The following IRAK2 variants were observed in gnomAD, a reference collection of about 807,000 sequenced individuals.
The protein encoded by IRAK2 is interleukin-1 receptor-associated kinase-like 2.
Under a neutral mutation model 72.0 loss-of-function variants are expected in IRAK2, and 57 were observed. That is an observed-to-expected ratio of 0.79 (90% CI 0.64 to 0.99). The LOEUF is 0.99. IRAK2 is among the 50% of genes least tolerant of loss of function. IRAK2 has a pLI of 0.00. For missense variants in IRAK2, 790 were observed against 794.4 expected, an observed-to-expected ratio of 0.99 and a Z score of 0.07; for synonymous variants, 293 against 312.7, an observed-to-expected ratio of 0.94 and a Z score of 0.67.
At chr3:10,221,209 G>C (rs184086684) in intron 8 of IRAK2, among the ~76,000 whole-genome samples, 1 of 148,870 alleles carries the variant, frequency 6.7e-6, no homozygotes, top group Admixed American at 6.7e-5. Flanking sequence ...TGGCTAACAC[G>C]GTGAAACCTC....
In IRAK2 at chr3:10,184,382, C is replaced by G. The variant is rs547803262; in HGVS notation, c.277+6362C>G. ...TTGGCCACCCAGATATCTGTATACA[C>G]CTGTCTTGACCTGCATAAAACATCT... On this transcript the variant is annotated intron_variant, in intron 2 of 12. Coordinates refer to ENST00000256458, the MANE Select transcript of IRAK2 (RefSeq NM_001570.4). Among the ~76,000 whole-genome samples the G allele has an allele frequency of 2.6e-5, 4 of 152,346 alleles. No homozygotes were observed. The South Asian group carries it at 6.2e-4, about 24-fold the overall frequency.
chr3:10,209,673 C>T lies in IRAK2; in HGVS notation c.509C>T (p.Pro170Leu), dbSNP rs1324526569. Residue 170 changes from proline to leucine, a missense_variant, in exon 4 of 13, where the codon CCC becomes CTC. Transcript: ENST00000256458. ...CCTCATTCCTTGAGAAGCGACCTCC[C>T]CACTTCGTCTGATTCAAAGGTAAAT... is the stretch of plus-strand genomic sequence containing the variant. Reference protein sequence around the residue: ...DAPHSLRSDLPTSSDSKDFST... With the variant: ...DAPHSLRSDLLTSSDSKDFST... 3 of 1,537,860 alleles carry T rather than the reference C, an allele frequency of 2.0e-6. No individual in the cohort carries two copies. Among genetic ancestry groups the T allele is most frequent in the Non-Finnish European group, 2.6e-6 (3 of 1,144,036 alleles).
chr3:10,201,215 C>T (rs1030077033), intron 3 of IRAK2, among the ~76,000 whole-genome samples: 1 of 152,180 alleles, frequency 6.6e-6, no homozygotes, highest in African/African-American at 2.4e-5. Flanking sequence ...TGTGATTATG[C>T]CCATTTCATG....
At chr3:10,199,884 C>CT (rs145377518) in intron 2 of IRAK2, among the ~76,000 whole-genome samples, 5,374 of 124,062 alleles carry the variant, frequency 0.043, 548 homozygotes, top group African/African-American at 0.15. Context: ...AGCCACTGCT[C>CT]TTTTTTTTTT....
rs1697658739 is a variant in IRAK2 at position 10,219,698 on chromosome 3, C to T, written c.922C>T (p.Pro308Ser). ...LQGQGGSDPL[P>S]WPQRVSICSG... is the part of the protein sequence containing the mutation. ...CTCTTAGGGTGGCTCGGACCCCCTC[C>T]CCTGGCCCCAGCGTGTCAGCATCTG... is the stretch of plus-strand genomic sequence containing the variant. Residue 308 changes from proline (P) to serine (S), a missense_variant, in exon 8 of 13, where the codon CCC becomes TCC. Pro to Ser is a moderately conservative substitution (Grantham distance 74). Coordinates refer to ENST00000256458, the MANE Select transcript of IRAK2 (RefSeq NM_001570.4). The T allele has an allele frequency of 1.2e-6, 2 of 1,613,706 alleles. No homozygotes were observed. The highest frequency in any genetic ancestry group is 2.7e-5 in the African/African-American group (2 of 74,888).
At chr3:10,216,217 G>A (rs1697602876) in intron 6 of IRAK2, among the ~76,000 whole-genome samples, 2 of 152,148 alleles carry the variant, frequency 1.3e-5, no homozygotes, top group Middle Eastern at 3.2e-3. Flanking sequence ...AGATAAGAAG[G>A]TTTCTAGGAA....
intron 10 of IRAK2, among the ~76,000 whole-genome samples, chr3:10,229,821 C>G (rs1697832274): frequency 6.6e-6 from 1 of 152,152 alleles, no homozygotes. Context: ...GAAAAAGAGG[C>G]CGGGCACAGT....
rs1482147546 is a variant in IRAK2 at position 10,213,216 on chromosome 3, A to C, written c.538A>C (p.Thr180Pro). 19 of 1,613,928 alleles carry C rather than the reference A, an allele frequency of 1.2e-5. No individual in the cohort carries two copies. The highest frequency in any genetic ancestry group is 1.5e-5 in the Non-Finnish European group (18 of 1,179,902). The change falls in exon 5 of 13, where the codon ACC becomes CCC. Residue 180 changes from threonine (T) to proline (P), a missense_variant. Thr to Pro is a conservative substitution (Grantham distance 38). Coordinates refer to ENST00000256458, the MANE Select transcript of IRAK2 (RefSeq NM_001570.4). ...PTSSDSKDFS[T>P]SIPKQEKLLS... ...CTCTCTGGGTCTCCAGGACTTCAGC[A>C]CCTCCATTCCTAAGCAGGAAAAACT... is the stretch of plus-strand genomic sequence containing the variant.
chr3:10,171,354 C>A lies in IRAK2; in HGVS notation c.94+6306C>A, dbSNP rs79071741. On this transcript the variant is annotated intron_variant, in intron 1 of 12. Coordinates refer to ENST00000256458, the MANE Select transcript of IRAK2 (RefSeq NM_001570.4). ...TTAGTTTCCTCATCCATGAAGCACC[C>A]TCACAGTGTTGCTGAGAGGCTTAGG... Among the ~76,000 whole-genome samples, 487 of 152,232 alleles carry A rather than the reference C, an allele frequency of 3.2e-3. 7 individuals carry two copies. In the South Asian group the frequency reaches 0.036, roughly 11 times the overall value.
At chr3:10,206,530 T>C (rs1477069198) in intron 3 of IRAK2, among the ~76,000 whole-genome samples, 2 of 152,240 alleles carry the variant, frequency 1.3e-5, no homozygotes, top group Admixed American at 6.5e-5. Flanking sequence ...AGGCTGATTT[T>C]ACTTTCAGTC....
chr3:10,231,001 C>T (rs1244599438), intron 10 of IRAK2, among the ~76,000 whole-genome samples: 1 of 152,154 alleles, frequency 6.6e-6, no homozygotes, highest in Non-Finnish European at 1.5e-5. Context: ...GATCCACCTG[C>T]CTCGGCGGCC....
intron 1 of IRAK2, among the ~76,000 whole-genome samples, chr3:10,173,420 A>G (rs1051694245): frequency 2.0e-5 from 3 of 152,192 alleles, no homozygotes; most frequent in Non-Finnish European, 2.9e-5. Context: ...CAAATATTCT[A>G]CGATGACCAG....
intron 11 of IRAK2, among the ~76,000 whole-genome samples, chr3:10,235,804 T>G (rs1350951187): frequency 6.6e-6 from 1 of 152,124 alleles, no homozygotes; most frequent in Non-Finnish European, 1.5e-5. Context: ...CAGAACTTGT[T>G]TTTGTCAGAG....
intron 10 of IRAK2, among the ~76,000 whole-genome samples, chr3:10,230,137 C>T (rs780485648): frequency 6.6e-5 from 10 of 152,056 alleles, no homozygotes; most frequent in Non-Finnish European, 1.3e-4. Context: ...CATGTATGTT[C>T]TGACAGGGAC....
At chr3:10,212,027 C>T (rs1022494811) in intron 4 of IRAK2, among the ~76,000 whole-genome samples, 3 of 150,972 alleles carry the variant, frequency 2.0e-5, no homozygotes, top group Admixed American at 2.0e-4. Context: ...TTGCAGTGAG[C>T]CGAGATCACA....
chr3:10,165,890 C>T (rs1488950172), intron 1 of IRAK2, among the ~76,000 whole-genome samples: 1 of 152,102 alleles, frequency 6.6e-6, no homozygotes, highest in African/African-American at 2.4e-5. Flanking sequence ...GCCACCACGC[C>T]CGGCTAACTT....
chr3:10,178,418 C>T (rs1233096858), intron 2 of IRAK2, among the ~76,000 whole-genome samples: 1 of 151,530 alleles, frequency 6.6e-6, no homozygotes, highest in Non-Finnish European at 1.5e-5. Flanking sequence ...GATTGCACCA[C>T]TGCACTCCAG....
chr3:10,217,032 A>AC lies in IRAK2; in HGVS notation c.888dup (p.Arg297GlnfsTer44). 9 of 1,610,960 alleles carry AC rather than the reference A, an allele frequency of 5.6e-6. No homozygotes were observed. Among genetic ancestry groups the AC allele is most frequent in the Non-Finnish European group, 7.6e-6 (9 of 1,177,130 alleles). ...TACATGGCAAATGGTTCCCTACAGG[A>AC]CAGACTGCAGGGTCAGGTAAGGGAC... On this transcript the variant is annotated frameshift_variant, in exon 7 of 13. Transcript: ENST00000256458. LOFTEE classifies it high-confidence loss of function.
chr3:10,216,916 A>G lies in IRAK2; in HGVS notation c.789-18A>G. ...TTTCCGTCTGACTCCTCACACCTGC[A>G]CTGACGCCCGATTCCAGATGCTGCC... On this transcript the variant is annotated intron_variant, in intron 6 of 12. Transcript: ENST00000256458. 6.3e-7 allele frequency: 1 copy of G among 1,589,214 alleles called. No individual in the cohort carries two copies. The highest frequency in any genetic ancestry group is 8.6e-7 in the Non-Finnish European group (1 of 1,157,352).
Sources: gnomAD v4.1 joint callset for allele counts (sites outside exome capture counted in the v4.1 genomes callset) on GRCh38, gnomAD v4.1.1 for gene constraint, MANE v1.5 for transcripts, NCBI Gene and HGNC (gene_info 2026-07-23, HGNC 2026-07-21) for gene names.